Variants in QTMAN observed in about 807,000 individuals in gnomAD.
QTMAN encodes tRNA-queuosine alpha-mannosyltransferase.
chr2:144,109,382 AC>A, the QTMAN span, among the ~76,000 whole-genome samples: 2 of 151,976 alleles, frequency 1.3e-5, no homozygotes, highest in Non-Finnish European at 2.9e-5. Flanking sequence ...TATACCTTAC[AC>A]AAAAATTAAT....
the QTMAN span, among the ~76,000 whole-genome samples, chr2:144,192,751 C>T: frequency 3.3e-5 from 5 of 152,190 alleles, no homozygotes; most frequent in Non-Finnish European, 2.9e-5. Context: ...TAATGGATGA[C>T]CAGTGACACA....
At chr2:143,987,899 C>CA in the QTMAN span, among the ~76,000 whole-genome samples, 1 of 152,072 alleles carries the variant, frequency 6.6e-6, no homozygotes, top group Non-Finnish European at 1.5e-5. Flanking sequence ...CCAAAAAACA[C>CA]AAAAAATCTG....
chr2:144,192,693 A>G, the QTMAN span, among the ~76,000 whole-genome samples: 1 of 152,248 alleles, frequency 6.6e-6, no homozygotes, highest in Non-Finnish European at 1.5e-5. Flanking sequence ...CAATGCTTTC[A>G]GCATATTTGT....
the QTMAN span, among the ~76,000 whole-genome samples, chr2:144,280,186 G>A: frequency 6.6e-6 from 1 of 152,138 alleles, no homozygotes; most frequent in African/African-American, 2.4e-5. Context: ...AAAAGGCCAA[G>A]AAAACCCAAG....
chr2:144,223,640 T>C, the QTMAN span, among the ~76,000 whole-genome samples: 1 of 152,244 alleles, frequency 6.6e-6, no homozygotes, highest in Admixed American at 6.5e-5. Flanking sequence ...ACTTTTTTAC[T>C]GCCCAATTAT....
At chr2:144,071,194 GT>G in the QTMAN span, among the ~76,000 whole-genome samples, 712 of 137,958 alleles carry the variant, frequency 5.2e-3, 5 homozygotes, top group African/African-American at 0.013. Context: ...TACTGCCACT[GT>G]TTTTTTTTTT....
the QTMAN span, chr2:143,944,006 T>G: frequency 6.6e-6 from 1 of 152,086 alleles, no homozygotes; most frequent in South Asian, 2.1e-4. Flanking sequence ...AAAATTGACT[T>G]TATTTTAAAA....
the QTMAN span, among the ~76,000 whole-genome samples, chr2:144,105,450 G>A: frequency 6.6e-6 from 1 of 152,214 alleles, no homozygotes; most frequent in Non-Finnish European, 1.5e-5. Flanking sequence ...AGAACTACGT[G>A]ATGAATGCAC....
the QTMAN span, among the ~76,000 whole-genome samples, chr2:144,188,240 T>C: frequency 6.6e-6 from 1 of 152,200 alleles, no homozygotes; most frequent in Admixed American, 6.5e-5. Context: ...CCAAGAAATA[T>C]GTTCTCTTAG....
At chr2:143,998,184 A>G in the QTMAN span, among the ~76,000 whole-genome samples, 1 of 152,204 alleles carries the variant, frequency 6.6e-6, no homozygotes, top group South Asian at 2.1e-4. Context: ...ATCAATTCTC[A>G]TCTCAGAAAC....
the QTMAN span, among the ~76,000 whole-genome samples, chr2:144,176,134 G>T: frequency 0.01 from 1,522 of 152,162 alleles, 28 homozygotes; most frequent in African/African-American, 0.033. Flanking sequence ...ACAGAATCTA[G>T]CAGGAAATGA....
At chr2:144,184,945 G>A in the QTMAN span, among the ~76,000 whole-genome samples, 1 of 152,024 alleles carries the variant, frequency 6.6e-6, no homozygotes, top group African/African-American at 2.4e-5. Flanking sequence ...ATATGATACG[G>A]GACTTACCAC....
the QTMAN span, among the ~76,000 whole-genome samples, chr2:144,071,565 G>A: frequency 6.6e-6 from 1 of 152,130 alleles, no homozygotes; most frequent in Non-Finnish European, 1.5e-5. Flanking sequence ...CCTTGGGAAT[G>A]TCTCACGTTC....
the QTMAN span, among the ~76,000 whole-genome samples, chr2:144,299,970 G>C: frequency 6.6e-6 from 1 of 152,248 alleles, no homozygotes; most frequent in Non-Finnish European, 1.5e-5. Flanking sequence ...GCTACAACAT[G>C]AATGAACCTT....
At chr2:144,150,444 G>T in the QTMAN span, among the ~76,000 whole-genome samples, 1 of 151,794 alleles carries the variant, frequency 6.6e-6, no homozygotes, top group East Asian at 1.9e-4. Context: ...TATGGCTATC[G>T]AGCACTTGAA....
chr2:144,136,948 G>A, the QTMAN span, among the ~76,000 whole-genome samples: 1 of 152,098 alleles, frequency 6.6e-6, no homozygotes, highest in Non-Finnish European at 1.5e-5. Context: ...CAGTATGGAA[G>A]GAGCCAGTGT....
the QTMAN span, among the ~76,000 whole-genome samples, chr2:144,103,686 A>G: frequency 6.6e-6 from 1 of 152,260 alleles, no homozygotes; most frequent in African/African-American, 2.4e-5. Flanking sequence ...AAATGCTGAT[A>G]CTCAATTTGT....
chr2:144,166,820 A>G, the QTMAN span, among the ~76,000 whole-genome samples: 2 of 152,284 alleles, frequency 1.3e-5, no homozygotes, highest in South Asian at 4.1e-4. Context: ...CCTAGTTCCC[A>G]CATATCTGAA....
At chr2:143,986,583 C>T in the QTMAN span, among the ~76,000 whole-genome samples, 1 of 152,126 alleles carries the variant, frequency 6.6e-6, no homozygotes, top group Non-Finnish European at 1.5e-5. Flanking sequence ...ATAAGTAGTA[C>T]CATCTTAGCA....
Sources: gnomAD v4.1 joint callset for allele counts (sites outside exome capture counted in the v4.1 genomes callset) on GRCh38, gnomAD v4.1.1 for gene constraint, MANE v1.5 for transcripts, NCBI Gene and HGNC (gene_info 2026-07-23, HGNC 2026-07-21) for gene names.